GOSR1: variants seen among roughly 807,000 people sequenced by gnomAD.
The protein encoded by GOSR1 is 28 kDa Golgi SNARE protein.
Under a neutral mutation model 35.5 loss-of-function variants are expected in GOSR1, and 21 were observed. The observed-to-expected ratio is 0.59, with a 90% CI of 0.42 to 0.85. GOSR1 has a LOEUF of 0.85. GOSR1 is among the 40% of genes least tolerant of loss of function. The pLI is 0.00. For synonymous variants in GOSR1, 94 were observed against 106.6 expected, an observed-to-expected ratio of 0.88 and a Z score of 0.73; for missense variants, 285 against 309.6, an observed-to-expected ratio of 0.92 and a Z score of 0.60.
At position 30,484,301 on chromosome 17, in the gene GOSR1, G is replaced by C. The variant is rs1015172209; in HGVS notation, c.234G>C (p.Arg78Ser). Residue 78 changes from arginine (R) to serine (S), a missense_variant and splice_region_variant, in exon 3 of 9, where the codon AGG (arginine) becomes AGC (serine). Transcript: ENST00000451249. ...MAIEIEQLLARLTGVNDKMAE... is the reference protein window; with the variant it reads ...MAIEIEQLLASLTGVNDKMAE... ...TTGAGATTGAACAACTTTTGGCAAG[G>C]GTAAGTGCTTTCTGTTAAATGGCTA... 6.3e-7 allele frequency: 1 copy of C among 1,577,074 alleles called. No individual in the cohort carries two copies. The highest frequency in any genetic ancestry group is 8.7e-7 in the Non-Finnish European group (1 of 1,146,418).
In GOSR1 at chr17:30,525,006, C is replaced by T. The variant is rs972043617; in HGVS notation, c.*2628C>T. 18 of 152,224 alleles carry T rather than the reference C, an allele frequency of 1.2e-4. No individual in the cohort carries two copies. The highest frequency in any genetic ancestry group is 4.3e-4 in the African/African-American group (18 of 41,458). The allele number at this position is 152,224 out of a possible 1,614,324, so 9.4% of individuals were successfully genotyped here. A position where few individuals can be genotyped will look rare whatever the true frequency, so the allele number is the denominator to read the frequency against. On this transcript the variant is annotated 3_prime_UTR_variant, in exon 9 of 9. Coordinates refer to ENST00000451249, the MANE Select transcript of GOSR1 (RefSeq NM_001007025.2). ...TTAAGCCAGCCACCAGAATTCTTTT[C>T]GAGTTAACCATTTCTTAGTTTCTGT... is the stretch of plus-strand genomic sequence containing the variant.
At position 30,524,284 on chromosome 17, in the gene GOSR1, T is replaced by G. The variant is rs576142847; in HGVS notation, c.*1906T>G. ...ACTCATAATGAGAAATCACAAGTTC[T>G]TTCTTGATGATCTGTGCTATAGATT... On this transcript the variant is annotated 3_prime_UTR_variant, in exon 9 of 9. Coordinates refer to ENST00000451249, the MANE Select transcript of GOSR1 (RefSeq NM_001007025.2). The G allele has an allele frequency of 1.3e-5, 2 of 152,408 alleles. No homozygotes were observed. The highest frequency in any genetic ancestry group is 3.9e-4 in the East Asian group (2 of 5,188). The allele number at this position is 152,408 out of a possible 1,614,324, so 9.4% of individuals were successfully genotyped here.
intron 6 of GOSR1, among the ~76,000 whole-genome samples, chr17:30,494,327 A>G (rs1488611953): frequency 3.3e-5 from 5 of 152,142 alleles, no homozygotes; most frequent in East Asian, 3.9e-4. Flanking sequence ...CTTTTGCTAT[A>G]TGGTGGATAA....
At chr17:30,497,234 AAATAAT>A (rs931228482) in intron 6 of GOSR1, among the ~76,000 whole-genome samples, 5 of 152,092 alleles carry the variant, frequency 3.3e-5, no homozygotes, top group Non-Finnish European at 5.9e-5. Context: ...TCTGTCTCTG[AAATAAT>A]AATAATAATA....
At chr17:30,516,872 C>G (rs577654077) in intron 7 of GOSR1, among the ~76,000 whole-genome samples, 21 of 152,244 alleles carry the variant, frequency 1.4e-4, no homozygotes, top group Non-Finnish European at 2.4e-4. Flanking sequence ...CACCACCACG[C>G]CTGGCTAATT....
At chr17:30,505,382 A>G (rs1226643456) in intron 6 of GOSR1, among the ~76,000 whole-genome samples, 2 of 152,180 alleles carry the variant, frequency 1.3e-5, no homozygotes, top group African/African-American at 2.4e-5. Context: ...CCTGGGTGAC[A>G]GTGAGACCCC....
At chr17:30,498,040 A>C (rs953752530) in intron 6 of GOSR1, among the ~76,000 whole-genome samples, 3 of 144,590 alleles carry the variant, frequency 2.1e-5, no homozygotes, top group African/African-American at 7.8e-5. Context: ...CATGGGTGAC[A>C]GAGCAATACT....
intron 6 of GOSR1, 110 bp downstream of exon 6, chr17:30,492,863 A>C (rs1194789113): frequency 1.5e-6 from 1 of 668,146 alleles, no homozygotes; most frequent in Admixed American, 2.5e-5. Flanking sequence ...TGTCCATGCT[A>C]ATTCATTTTA....
rs1218405939 is a variant in GOSR1, at chr17:30,516,476, A to AAAAAAAG, written c.540-3457_540-3451dup. On this transcript the variant is annotated intron_variant, in intron 7 of 8. Transcript: ENST00000451249. ...CAGAGCAAGACTCCGTCTCAAACAAAAAAAAAGAAAAAGAAAAAGTCAGTC... is the reference window on the plus strand; with the variant it reads ...CAGAGCAAGACTCCGTCTCAAACAAAAAAAAAGAAAAAAGAAAAAGAAAAAGTCAGTC... 5.3e-5 allele frequency among the ~76,000 whole-genome samples: 8 copies of AAAAAAAG among 149,718 alleles called. 1 individual carries two copies. The highest frequency in any genetic ancestry group is 2.5e-5 in the African/African-American group (1 of 40,264).
At chr17:30,500,738 A>G (rs1967172347) in intron 6 of GOSR1, among the ~76,000 whole-genome samples, 1 of 152,198 alleles carries the variant, frequency 6.6e-6, no homozygotes, top group African/African-American at 2.4e-5. Context: ...ATAAATTTTA[A>G]TATCACATTG....
chr17:30,482,602 A>T (rs1281321794), intron 2 of GOSR1, among the ~76,000 whole-genome samples: 1 of 152,204 alleles, frequency 6.6e-6, no homozygotes, highest in Non-Finnish European at 1.5e-5. Flanking sequence ...TTGAATCTAG[A>T]TCTATCTCCA....
chr17:30,477,614 C>T (rs563008296), intron 1 of GOSR1, 150 bp downstream of exon 1: 2 of 1,387,854 alleles, frequency 1.4e-6, no homozygotes, highest in African/African-American at 3.0e-5. Flanking sequence ...TCCCCGGGGC[C>T]TTGGGGATAC....
chr17:30,488,632 C>G lies in GOSR1; in HGVS notation c.343-1494C>G, dbSNP rs1914835738. Among the ~76,000 whole-genome samples the G allele has an allele frequency of 1.3e-5, 2 of 149,882 alleles. 1 individual carries two copies. Among genetic ancestry groups the G allele is most frequent in the South Asian group, 4.2e-4 (2 of 4,770 alleles). ...CACTGTAACCTCTGCCTCCCAAGTT[C>G]AAGTGATTCTCCTGCCTCAAACTCC... On this transcript the variant is annotated intron_variant, in intron 4 of 8. Coordinates refer to ENST00000451249, the MANE Select transcript of GOSR1 (RefSeq NM_001007025.2).
chr17:30,488,165 T>C (rs1449373657), intron 4 of GOSR1, among the ~76,000 whole-genome samples: 1 of 124,588 alleles, frequency 8.0e-6, no homozygotes, highest in Non-Finnish European at 1.6e-5. Flanking sequence ...TTAAATATAC[T>C]TTTTTTTTTT....
At chr17:30,478,038 C>G in intron 1 of GOSR1, 1 of 499,048 alleles carries the variant, frequency 2.0e-6, no homozygotes, top group Non-Finnish European at 2.6e-6. Flanking sequence ...GAGAAAATAA[C>G]TTACCCTTCT....
rs573733010 is a variant in GOSR1 at position 30,496,622 on chromosome 17, T to C, written c.509+3869T>C. 2.6e-5 allele frequency among the ~76,000 whole-genome samples: 4 copies of C among 152,360 alleles called. No individual in the cohort carries two copies. In the South Asian group the frequency reaches 8.3e-4, roughly 32 times the overall value. On this transcript the variant is annotated intron_variant, in intron 6 of 8. Coordinates refer to ENST00000451249, the MANE Select transcript of GOSR1 (RefSeq NM_001007025.2). Reference sequence around the variant, plus strand: ...AATTTATTTGCCATCCACCCTTGCATTTCAGCTCCATTATTTGTCCTTGAC... The same window carrying C: ...AATTTATTTGCCATCCACCCTTGCACTTCAGCTCCATTATTTGTCCTTGAC...
chr17:30,516,774 C>T (rs112249613), intron 7 of GOSR1, among the ~76,000 whole-genome samples: 7,897 of 152,084 alleles, frequency 0.052, 654 homozygotes, highest in African/African-American at 0.17. Flanking sequence ...AGTGCAGTGG[C>T]GCGATCTCAG....
intron 7 of GOSR1, among the ~76,000 whole-genome samples, chr17:30,516,468 TCAAA>T (rs1967816851): frequency 5.6e-5 from 2 of 35,982 alleles, no homozygotes; most frequent in African/African-American, 3.8e-4. Context: ...AGACTCCGTC[TCAAA>T]CAAAAAAAAA....
At chr17:30,497,772 T>C (rs555802997) in intron 6 of GOSR1, among the ~76,000 whole-genome samples, 1 of 152,288 alleles carries the variant, frequency 6.6e-6, no homozygotes, top group Non-Finnish European at 1.5e-5. Context: ...TAAAACTCAA[T>C]GTATGGCCAG....
Sources: allele counts gnomAD v4.1 joint callset (sites outside exome capture counted in the v4.1 genomes callset), GRCh38; gene constraint gnomAD v4.1.1; transcripts MANE v1.5; gene names NCBI Gene and HGNC (gene_info 2026-07-23, HGNC 2026-07-21).